The following OTUD7B variants were observed in gnomAD, a reference collection of about 807,000 sequenced individuals.
OTUD7B encodes OTU deubiquitinase 7B.
OTUD7B carries 34 observed loss-of-function variants against 82.2 expected under a neutral mutation model. The observed-to-expected ratio is 0.41, with a 90% CI of 0.31 to 0.55. The LOEUF is 0.55. OTUD7B is among the 20% of genes least tolerant of loss of function. The pLI is 0.20. For synonymous variants in OTUD7B, 398 were observed against 402.7 expected, an observed-to-expected ratio of 0.99 and a Z score of 0.14; for missense variants, 944 against 1,062.1, an observed-to-expected ratio of 0.89 and a Z score of 1.55.
chr1:150,052,569 T>C, the OTUD7B span, among the ~76,000 whole-genome samples: 1 of 152,278 alleles, frequency 6.6e-6, no homozygotes, highest in East Asian at 1.9e-4. Flanking sequence ...GAAGAACCAA[T>C]GTCATTAAAA....
chr1:149,969,272 G>A (rs1649741803), intron 3 of OTUD7B, among the ~76,000 whole-genome samples: 1 of 152,092 alleles, frequency 6.6e-6, no homozygotes, highest in Admixed American at 6.6e-5. Context: ...GTAGTGAGCT[G>A]TGTTCCACCA....
intron 6 of OTUD7B, 49 bp from the exon 7 acceptor site, chr1:149,959,845 T>G: frequency 2.6e-6 from 3 of 1,146,512 alleles, no homozygotes; most frequent in Non-Finnish European, 4.0e-6. Context: ...GGCTGGGTTC[T>G]AAGAGGCAAT....
At chr1:150,052,825 A>AAC in the OTUD7B span, among the ~76,000 whole-genome samples, 249 of 150,600 alleles carry the variant, frequency 1.7e-3, 1 homozygote, top group African/African-American at 5.4e-3. Flanking sequence ...ACAAAAAACA[A>AAC]AAAAAAAAAC....
At chr1:150,037,460 T>C in the OTUD7B span, among the ~76,000 whole-genome samples, 1 of 152,202 alleles carries the variant, frequency 6.6e-6, no homozygotes, top group Non-Finnish European at 1.5e-5. Context: ...TGGCAGATGA[T>C]ACCTTATATA....
At chr1:150,034,322 A>G in the OTUD7B span, among the ~76,000 whole-genome samples, 1 of 152,220 alleles carries the variant, frequency 6.6e-6, no homozygotes, top group South Asian at 2.1e-4. Flanking sequence ...CTGCTCCAAT[A>G]TAATAATAAA....
intron 5 of OTUD7B, 63 bp downstream of exon 5, chr1:149,965,714 C>T: frequency 3.4e-6 from 4 of 1,174,006 alleles, no homozygotes; most frequent in Non-Finnish European, 5.1e-6. Context: ...AAGTCCTACA[C>T]ATGAGATTTG....
intron 1 of OTUD7B, among the ~76,000 whole-genome samples, chr1:150,007,886 A>G (rs1652768856): frequency 6.6e-6 from 1 of 152,178 alleles, no homozygotes. Flanking sequence ...CTGAGGTCAC[A>G]TTTCAAAGCG....
the OTUD7B span, among the ~76,000 whole-genome samples, chr1:150,064,206 T>C: frequency 6.6e-6 from 1 of 152,246 alleles, no homozygotes; most frequent in Non-Finnish European, 1.5e-5. Context: ...TTGCACATTA[T>C]TTCATTTAAT....
the OTUD7B span, among the ~76,000 whole-genome samples, chr1:150,016,930 C>G: frequency 6.6e-6 from 1 of 152,184 alleles, no homozygotes; most frequent in Non-Finnish European, 1.5e-5. Context: ...TCCCCTGTCT[C>G]TAAGTTTTCT....
chr1:149,963,474 G>A (rs763301446), intron 6 of OTUD7B: 13 of 152,190 alleles, frequency 8.5e-5, no homozygotes, highest in Non-Finnish European at 1.3e-4. Context: ...GCTGCTGGAG[G>A]AAGAAAGCAG....
the OTUD7B span, among the ~76,000 whole-genome samples, chr1:150,028,425 T>C: frequency 5.3e-5 from 8 of 152,196 alleles, no homozygotes; most frequent in African/African-American, 1.9e-4. Context: ...TTAATTGTGG[T>C]AAAATACACA....
At chr1:149,962,246 T>G (rs1649209582) in intron 6 of OTUD7B, 1 of 152,140 alleles carries the variant, frequency 6.6e-6, no homozygotes, top group South Asian at 2.1e-4. Flanking sequence ...ACTTCTAGCC[T>G]TAACATTTAA....
At chr1:149,978,742 A>C (rs1650502138) in intron 1 of OTUD7B, among the ~76,000 whole-genome samples, 1 of 152,210 alleles carries the variant, frequency 6.6e-6, no homozygotes, top group African/African-American at 2.4e-5. Flanking sequence ...ACAGCCTGGC[A>C]CCAATCCAAC....
At chr1:150,023,888 C>G in the OTUD7B span, among the ~76,000 whole-genome samples, 2 of 151,986 alleles carry the variant, frequency 1.3e-5, no homozygotes, top group African/African-American at 4.8e-5. Context: ...CACATTTTAC[C>G]CTTATAAATA....
intron 1 of OTUD7B, among the ~76,000 whole-genome samples, chr1:149,992,221 C>T (rs1651616844): frequency 6.6e-6 from 1 of 152,104 alleles, no homozygotes; most frequent in African/African-American, 2.4e-5. Flanking sequence ...AAGACTCCGT[C>T]TCAAAATAAG....
Position 149,943,933 on chromosome 1 carries a change from C to A in OTUD7B, c.2456G>T (p.Cys819Phe). The change falls in exon 12 of 12, where the codon TGT becomes TTT. Residue 819 changes from cysteine (C) to phenylalanine (F), a missense_variant. Physicochemically the swap from Cys to Phe is radical, Grantham distance 205. Around this residue, in one of 3 missense-constraint regions of OTUD7B, gnomAD observed 412 missense variants for 418.7 expected, o/e 0.98. Coordinates refer to ENST00000581312, the MANE Select transcript of OTUD7B (RefSeq NM_020205.4). ...CAGTTCTTCCCTGTAACAACAGGAA[C>A]AGAAGTTGTTTGTCTCAGGGTGTCC... ...FYGHPETNNF[C>F]SCCYREELRR... is the part of the protein sequence containing the mutation. The A allele has an allele frequency of 6.2e-7, 1 of 1,614,244 alleles. No individual in the cohort carries two copies. The highest frequency in any genetic ancestry group is 8.5e-7 in the Non-Finnish European group (1 of 1,180,032).
At chr1:150,060,701 G>C in the OTUD7B span, among the ~76,000 whole-genome samples, 1 of 152,162 alleles carries the variant, frequency 6.6e-6, no homozygotes, top group Non-Finnish European at 1.5e-5. Context: ...AGTAAAGTCA[G>C]ATTAAATATT....
At chr1:149,956,279 C>T (rs1648659829) in intron 7 of OTUD7B, among the ~76,000 whole-genome samples, 1 of 152,140 alleles carries the variant, frequency 6.6e-6, no homozygotes, top group Non-Finnish European at 1.5e-5. Flanking sequence ...GATTTTATTT[C>T]TCCTTCACTT....
In OTUD7B at chr1:149,943,767, T is replaced by C. The variant is rs1647435859; in HGVS notation, c.*90A>G. The C allele has an allele frequency of 2.3e-6, 3 of 1,304,408 alleles. No individual in the cohort carries two copies. The highest frequency in any genetic ancestry group is 2.7e-5 in the South Asian group (2 of 74,998). The allele number at this position is 1,304,408 out of a possible 1,614,324, so 80.8% of individuals were successfully genotyped here. ...GGCTCCCACAAACATTACTGCATTT[T>C]CCCCCTCAACATGGGGACTGTGTTC... On this transcript the variant is annotated 3_prime_UTR_variant, in exon 12 of 12. Coordinates refer to ENST00000581312, the MANE Select transcript of OTUD7B (RefSeq NM_020205.4).
Sources: allele counts gnomAD v4.1 joint callset (sites outside exome capture counted in the v4.1 genomes callset), GRCh38; gene constraint gnomAD v4.1.1; regional missense constraint gnomAD v4.1.1; transcripts MANE v1.5; gene names NCBI Gene and HGNC (gene_info 2026-07-23, HGNC 2026-07-21).